GRID1: variants seen among roughly 807,000 people sequenced by gnomAD.
GRID1 encodes glutamate ionotropic receptor delta type subunit 1.
GRID1 carries 28 observed loss-of-function variants against 98.0 expected under a neutral mutation model. The observed-to-expected ratio is 0.29, with a 90% confidence interval of 0.21 to 0.39. GRID1 has a LOEUF of 0.39. Ranked by LOEUF, GRID1 falls within the 10% of genes least tolerant of loss-of-function variation. The pLI is 1.00. For synonymous variants in GRID1, 553 were observed against 538.5 expected (o/e 1.03, Z -0.37); for missense variants, 1,111 against 1,340.5 (o/e 0.83, Z 2.67).
chr10:85,994,497 C>T lies in GRID1; in HGVS notation c.727-78258G>A, dbSNP rs150833571. Among the ~76,000 whole-genome samples, 712 of 152,366 alleles carry T rather than the reference C, an allele frequency of 4.7e-3. 3 individuals carry two copies. Among genetic ancestry groups the T allele is most frequent in the Middle Eastern group, 0.024 (7 of 294 alleles). ...ATTAGATGCTGGGGACCACACAGAA[C>T]CCTAGCTGCCCACTTCAGTGATAAC... On this transcript the variant is annotated intron_variant, in intron 4 of 15. Coordinates refer to ENST00000327946, the MANE Select transcript of GRID1 (RefSeq NM_017551.3).
intron 15 of GRID1, among the ~76,000 whole-genome samples, chr10:85,610,589 C>T (rs754402903): frequency 5.3e-5 from 8 of 152,238 alleles, no homozygotes; most frequent in Non-Finnish European, 1.0e-4. Flanking sequence ...CCCTCTGACC[C>T]CACCATGCCC....
intron 6 of GRID1, among the ~76,000 whole-genome samples, chr10:85,864,796 T>G (rs1301483511): frequency 6.6e-6 from 1 of 152,148 alleles, no homozygotes; most frequent in African/African-American, 2.4e-5. Context: ...AATTTTAAAA[T>G]GCACAAAGAA....
chr10:86,117,692 T>A (rs1053711055), intron 4 of GRID1, among the ~76,000 whole-genome samples: 19 of 152,300 alleles, frequency 1.2e-4, no homozygotes, highest in African/African-American at 3.4e-4. Flanking sequence ...AATTAGAATA[T>A]CCCAGCTGAA....
intron 4 of GRID1, among the ~76,000 whole-genome samples, chr10:85,923,154 C>T (rs1183887436): frequency 6.6e-6 from 1 of 152,090 alleles, no homozygotes; most frequent in Non-Finnish European, 1.5e-5. Context: ...GTCATCTGTT[C>T]CCATCTCACC....
intron 3 of GRID1, among the ~76,000 whole-genome samples, chr10:86,173,666 C>T (rs1845528326): frequency 6.6e-6 from 1 of 151,612 alleles, no homozygotes; most frequent in African/African-American, 2.4e-5. Flanking sequence ...TGCTGGTGTG[C>T]TGCACCCATT....
At chr10:86,027,227 T>C (rs1456780614) in intron 4 of GRID1, among the ~76,000 whole-genome samples, 1 of 152,234 alleles carries the variant, frequency 6.6e-6, no homozygotes, top group Non-Finnish European at 1.5e-5. Context: ...AAGGACAATC[T>C]TATATCCATT....
intron 2 of GRID1, among the ~76,000 whole-genome samples, chr10:86,354,722 G>A (rs559015568): frequency 1.2e-4 from 19 of 152,330 alleles, no homozygotes; most frequent in African/African-American, 2.6e-4. Context: ...GCCAGGTCCC[G>A]GGGAGGCAGG....
chr10:85,729,467 A>T, intron 9 of GRID1, 46 bp downstream of exon 9: 1 of 1,094,312 alleles, frequency 9.1e-7, no homozygotes, highest in Non-Finnish European at 1.4e-6. Context: ...CTGATTCAAC[A>T]GCCTGGATGG....
At chr10:85,971,309 C>T (rs1388820546) in intron 4 of GRID1, among the ~76,000 whole-genome samples, 1 of 151,900 alleles carries the variant, frequency 6.6e-6, no homozygotes, top group Non-Finnish European at 1.5e-5. Context: ...AGACAAAAGG[C>T]AGTAACCATT....
chr10:86,336,871 G>C (rs1848229301), intron 2 of GRID1, among the ~76,000 whole-genome samples: 1 of 149,720 alleles, frequency 6.7e-6, no homozygotes, highest in Admixed American at 6.6e-5. Context: ...TTGAGACGGA[G>C]TCTCGCTCTG....
At chr10:85,876,239 C>A (rs771953835) in intron 5 of GRID1, among the ~76,000 whole-genome samples, 2 of 152,086 alleles carry the variant, frequency 1.3e-5, no homozygotes, top group Non-Finnish European at 2.9e-5. Context: ...GGGCTGAAAT[C>A]TCGGTGGTGG....
At chr10:85,607,812 T>C (rs1842689512) in intron 15 of GRID1, among the ~76,000 whole-genome samples, 1 of 150,864 alleles carries the variant, frequency 6.6e-6, no homozygotes, top group Non-Finnish European at 1.5e-5. Flanking sequence ...TTTTCCTTTT[T>C]TTTTTTTTTT....
chr10:85,736,199 G>T (rs1841881762), intron 8 of GRID1, among the ~76,000 whole-genome samples: 1 of 139,512 alleles, frequency 7.2e-6, no homozygotes, highest in African/African-American at 2.7e-5. Flanking sequence ...AGGGAAGGAA[G>T]GAAGGAAGCA....
chr10:85,626,640 C>T (rs151228732), intron 13 of GRID1, among the ~76,000 whole-genome samples: 172 of 152,290 alleles, frequency 1.1e-3, no homozygotes, highest in African/African-American at 4.0e-3. Flanking sequence ...ACCATTTATC[C>T]TAACGAAGCA....
At chr10:86,100,330 T>A (rs1398095840) in intron 4 of GRID1, among the ~76,000 whole-genome samples, 1 of 152,162 alleles carries the variant, frequency 6.6e-6, no homozygotes, top group Non-Finnish European at 1.5e-5. Context: ...ATCATCTCAA[T>A]AAATTCTTAG....
rs1842391757 is a variant in GRID1 at position 85,782,703 on chromosome 10, TG to T, written c.1234-53090del. 1.3e-5 allele frequency among the ~76,000 whole-genome samples: 2 copies of T among 152,232 alleles called. 1 individual carries two copies. Among genetic ancestry groups the T allele is most frequent in the South Asian group, 4.1e-4 (2 of 4,834 alleles). ...GCGAGTGCAAAGGCCCTGACGTAGA[TG>T]CATGCCTGGTGGGCATAAAATGAGT... On this transcript the variant is annotated intron_variant, in intron 8 of 15. Transcript: ENST00000327946.
intron 4 of GRID1, among the ~76,000 whole-genome samples, chr10:86,099,635 T>C (rs1276712582): frequency 6.6e-6 from 1 of 152,168 alleles, no homozygotes; most frequent in Non-Finnish European, 1.5e-5. Context: ...CTCTCATAAA[T>C]TTCCCCACAT....
chr10:86,233,019 G>A (rs933428092), intron 2 of GRID1, among the ~76,000 whole-genome samples: 4 of 152,120 alleles, frequency 2.6e-5, no homozygotes, highest in Non-Finnish European at 4.4e-5. Context: ...TCACTTGCAG[G>A]AACCCTTCAG....
intron 8 of GRID1, among the ~76,000 whole-genome samples, chr10:85,756,881 C>G (rs574903152): frequency 1.3e-5 from 2 of 152,288 alleles, no homozygotes; most frequent in South Asian, 4.1e-4. Flanking sequence ...CTCCTCTAAT[C>G]CTCAAGACAA....
Sources: allele counts gnomAD v4.1 joint callset (sites outside exome capture counted in the v4.1 genomes callset), GRCh38; gene constraint gnomAD v4.1.1; transcripts MANE v1.5; gene names NCBI Gene and HGNC (gene_info 2026-07-23, HGNC 2026-07-21).